ZNF66: variants seen among roughly 807,000 people sequenced by gnomAD.
The protein encoded by ZNF66 is putative zinc finger protein 66.
In ZNF66, 32 loss-of-function variants were observed where a neutral mutation model predicts 35.2. That is an observed-to-expected ratio of 0.91 (90% confidence interval 0.69 to 1.22). The LOEUF (loss-of-function observed/expected upper bound fraction) is 1.22, where lower values mean the gene tolerates loss of function less well. ZNF66 is among the 50% of genes most tolerant of loss of function. The probability of loss-of-function intolerance (pLI) is 0.00; values close to 1 mark genes in which losing one functional copy is unlikely to be tolerated. For missense variants in ZNF66, 666 were observed against 543.1 expected, an observed-to-expected ratio of 1.23 and a Z score of -2.25; for synonymous variants, 231 against 181.3, an observed-to-expected ratio of 1.27 and a Z score of -2.20.
intron 1 of ZNF66, among the ~76,000 whole-genome samples, chr19:20,785,879 A>G (rs531140754): frequency 6.6e-6 from 1 of 152,014 alleles, no homozygotes; most frequent in Non-Finnish European, 1.5e-5. Context: ...CTCCTGCCTC[A>G]GCCTCCTGAG....
rs759869277 is a variant in ZNF66 at position 20,792,558 on chromosome 19, A to G, written c.50A>G (p.Glu17Gly). ...GTGGCCATAGAATTCTCTCTGGAGG[A>G]GTGGCATTGCCTGGACATGGCACAG... ...RDVAIEFSLE[E>G]WHCLDMAQRN... The change falls in exon 2 of 4, where the codon GAG (glutamate) becomes GGG (glycine). Residue 17 changes from glutamate (E) to glycine (G), a missense_variant. Physicochemically the swap from Glu to Gly is moderately conservative, Grantham distance 98. Transcript: ENST00000344519. The G allele has an allele frequency of 6.5e-7, 1 of 1,530,084 alleles. No homozygotes were observed. Among genetic ancestry groups the G allele is most frequent in the South Asian group, 1.1e-5 (1 of 88,180 alleles). The allele number at this position is 1,530,084 out of a possible 1,614,324, so 94.8% of individuals were successfully genotyped here. A position where few individuals can be genotyped will look rare whatever the true frequency, so the allele number is the denominator to read the frequency against.
chr19:20,777,817 G>A (rs1371634242), intron 1 of ZNF66, among the ~76,000 whole-genome samples: 1 of 151,926 alleles, frequency 6.6e-6, no homozygotes, highest in Non-Finnish European at 1.5e-5. Flanking sequence ...GTAGAGATGA[G>A]GTTTCACCAT....
At chr19:20,780,889 A>T (rs1599545153) in intron 1 of ZNF66, among the ~76,000 whole-genome samples, 2 of 151,922 alleles carry the variant, frequency 1.3e-5, no homozygotes, top group Non-Finnish European at 2.9e-5. Flanking sequence ...CAAGATTCCC[A>T]CCCACTCACA....
intron 1 of ZNF66, among the ~76,000 whole-genome samples, chr19:20,783,191 G>A (rs146781548): frequency 0.042 from 6,341 of 152,180 alleles, 216 homozygotes; most frequent in South Asian, 0.12. Flanking sequence ...TCTCTATTCT[G>A]TTGCATTGGT....
intron 3 of ZNF66, among the ~76,000 whole-genome samples, chr19:20,802,970 TA>T (rs1219247060): frequency 6.6e-6 from 1 of 152,096 alleles, no homozygotes; most frequent in African/African-American, 2.4e-5. Flanking sequence ...AGTTTTGACT[TA>T]AAGTACATTT....
chr19:20,797,189 ATTTTTTTTTTTTTTTTTTTTTT>A (rs142052913), intron 3 of ZNF66, among the ~76,000 whole-genome samples: 3 of 45,440 alleles, frequency 6.6e-5, no homozygotes, highest in Admixed American at 4.0e-4. Context: ...TGCATGCTAG[ATTTTTTTTTTTTTTTTTTTTTT>A]TTTTTTTTTT....
chr19:20,793,330 TTC>T (rs1450190494), intron 2 of ZNF66, among the ~76,000 whole-genome samples: 44 of 124,604 alleles, frequency 3.5e-4, no homozygotes, highest in South Asian at 8.2e-4. Flanking sequence ...TTCTTTTCTT[TTC>T]TTTTTTTTTT....
intron 3 of ZNF66, among the ~76,000 whole-genome samples, chr19:20,795,204 C>A (rs1244085928): frequency 6.6e-6 from 1 of 150,920 alleles, no homozygotes; most frequent in Admixed American, 6.6e-5. Flanking sequence ...AATAATTCTT[C>A]TGCCACATAC....
At chr19:20,788,270 G>T (rs1045587345) in intron 1 of ZNF66, among the ~76,000 whole-genome samples, 1 of 152,152 alleles carries the variant, frequency 6.6e-6, no homozygotes, top group African/African-American at 2.4e-5. Flanking sequence ...GTCTAGACTA[G>T]CAACTGGATA....
intron 3 of ZNF66, among the ~76,000 whole-genome samples, chr19:20,797,211 TTTTTTTTTTTTTTTG>T (rs1481681639): frequency 2.1e-5 from 2 of 96,522 alleles, no homozygotes; most frequent in African/African-American, 9.0e-5. Context: ...TTTTTTTTTT[TTTTTTTTTTTTTTTG>T]AGACGGAGTC....
chr19:20,796,545 CA>C (rs1971394371), intron 3 of ZNF66, among the ~76,000 whole-genome samples: 1 of 152,178 alleles, frequency 6.6e-6, no homozygotes, highest in African/African-American at 2.4e-5. Context: ...ATTTGTTTTA[CA>C]TATCAGAGGG....
At chr19:20,780,292 A>T (rs189765733) in intron 1 of ZNF66, among the ~76,000 whole-genome samples, 1 of 152,262 alleles carries the variant, frequency 6.6e-6, no homozygotes, top group East Asian at 1.9e-4. Context: ...TATTAATCAC[A>T]AACATTTTCC....
chr19:20,800,570 C>T (rs989571294), intron 3 of ZNF66, among the ~76,000 whole-genome samples: 1 of 152,174 alleles, frequency 6.6e-6, no homozygotes, highest in African/African-American at 2.4e-5. Flanking sequence ...ATACTCTTGG[C>T]AACCAAAAAG....
At chr19:20,797,962 A>G (rs181758511) in intron 3 of ZNF66, among the ~76,000 whole-genome samples, 13 of 152,218 alleles carry the variant, frequency 8.5e-5, no homozygotes, top group Non-Finnish European at 1.3e-4. Flanking sequence ...CTTTAAGTCA[A>G]TTTTAGGTTT....
At position 20,792,530 on chromosome 19, in the gene ZNF66, G is replaced by A; in HGVS notation, c.22G>A (p.Asp8Asn). The change falls in exon 2 of 4, where the codon GAT becomes AAT. Residue 8 changes from aspartate (D) to asparagine (N), a missense_variant. By Grantham distance (23) the Asp-to-Asn change is conservative. Transcript: ENST00000344519. MGPLQFR[D>N]VAIEFSLEEW... is the part of the protein sequence containing the mutation. ...TTTTCAGGGGCCATTGCAATTTAGAGATGTGGCCATAGAATTCTCTCTGGA... is the reference window on the plus strand; with the variant it reads ...TTTTCAGGGGCCATTGCAATTTAGAAATGTGGCCATAGAATTCTCTCTGGA... 6.5e-7 allele frequency: 1 copy of A among 1,534,368 alleles called. No individual in the cohort carries two copies. The highest frequency in any genetic ancestry group is 2.3e-5 in the East Asian group (1 of 44,344).
intron 3 of ZNF66, among the ~76,000 whole-genome samples, chr19:20,799,813 T>C (rs1478900554): frequency 1.3e-5 from 2 of 152,188 alleles, no homozygotes; most frequent in Admixed American, 6.5e-5. Flanking sequence ...GTGTATCACA[T>C]TGTTTAAATT....
chr19:20,798,503 G>A (rs1971416352), intron 3 of ZNF66, among the ~76,000 whole-genome samples: 1 of 151,960 alleles, frequency 6.6e-6, no homozygotes, highest in African/African-American at 2.4e-5. Flanking sequence ...GAGATTGAGG[G>A]GGAGTCAAAA....
At chr19:20,780,180 G>T (rs1971233361) in intron 1 of ZNF66, among the ~76,000 whole-genome samples, 1 of 152,150 alleles carries the variant, frequency 6.6e-6, no homozygotes, top group Admixed American at 6.5e-5. Flanking sequence ...GCGTGTGTCT[G>T]CCTGTGTGAT....
intron 2 of ZNF66, among the ~76,000 whole-genome samples, chr19:20,793,260 C>T (rs1331338058): frequency 6.6e-6 from 1 of 151,282 alleles, no homozygotes; most frequent in Non-Finnish European, 1.5e-5. Flanking sequence ...TTCAGTAGTA[C>T]CAGGTAGTAA....
Sources: allele counts gnomAD v4.1 joint callset (sites outside exome capture counted in the v4.1 genomes callset), GRCh38; gene constraint gnomAD v4.1.1; transcripts MANE v1.5; gene names NCBI Gene and HGNC (gene_info 2026-07-23, HGNC 2026-07-21).